KIF13A: variants seen among roughly 807,000 people sequenced by gnomAD.
KIF13A encodes kinesin family member 13A.
KIF13A carries 79 observed loss-of-function variants against 212.2 expected under a neutral mutation model. The observed-to-expected ratio is 0.37, with a 90% CI of 0.31 to 0.45. The LOEUF (loss-of-function observed/expected upper bound fraction) is 0.45. KIF13A is among the 20% of genes least tolerant of loss of function. KIF13A has a pLI of 1.00. For missense variants in KIF13A, 1,901 were observed against 2,209.0 expected (o/e 0.86, Z 2.79); for synonymous variants, 789 against 808.6 (o/e 0.98, Z 0.41).
rs1304299447 is a variant in KIF13A, at chr6:17,961,309, C to T, written c.146+25745G>A. Among the ~76,000 whole-genome samples, 1 of 152,042 alleles carries T rather than the reference C, an allele frequency of 6.6e-6. No individual in the cohort carries two copies. Among genetic ancestry groups the T allele is most frequent in the Non-Finnish European group, 1.5e-5 (1 of 68,014 alleles). On this transcript the variant is annotated intron_variant, in intron 2 of 38. Coordinates refer to ENST00000259711, the MANE Select transcript of KIF13A (RefSeq NM_022113.6). This position sits in a 1 kb window ranked among gnomAD's most constrained non-coding sequence, Gnocchi z 4.1. ...GGGGACCTGGAAAGGAGCTGGGATTCCAAAGGTGGAAGGTAGCAACTGATG... is the reference window on the plus strand; with the variant it reads ...GGGGACCTGGAAAGGAGCTGGGATTTCAAAGGTGGAAGGTAGCAACTGATG...
chr6:17,890,136 C>T (rs1356805917), intron 3 of KIF13A, among the ~76,000 whole-genome samples: 3 of 146,366 alleles, frequency 2.0e-5, no homozygotes, highest in African/African-American at 7.6e-5. Flanking sequence ...TGCAGTGAGC[C>T]GAGATCGCAC....
At chr6:17,774,929 G>A in intron 35 of KIF13A, 86 bp downstream of exon 35, 1 of 973,152 alleles carries the variant, frequency 1.0e-6, no homozygotes, top group Non-Finnish European at 1.6e-6. Flanking sequence ...ACCAGGTGAG[G>A]CCCAGAGATT....
intron 4 of KIF13A, among the ~76,000 whole-genome samples, chr6:17,868,434 CTT>C (rs1405422071): frequency 6.6e-6 from 1 of 152,106 alleles, no homozygotes; most frequent in African/African-American, 2.4e-5. Context: ...AATATACTAA[CTT>C]ATAATCTTAA....
chr6:17,759,360 CTTTTTT>C (rs951254129), downstream of KIF13A: 1 of 152,052 alleles, frequency 6.6e-6, no homozygotes, highest in Non-Finnish European at 1.5e-5. Flanking sequence ...TACAGTTTTT[CTTTTTT>C]TAACAGACAA....
At chr6:17,845,448 T>G (rs1766929042) in intron 9 of KIF13A, among the ~76,000 whole-genome samples, 1 of 152,230 alleles carries the variant, frequency 6.6e-6, no homozygotes, top group South Asian at 2.1e-4. Context: ...AACCCACTTT[T>G]GGAGATGTTA....
chr6:17,894,156 G>A, intron 3 of KIF13A, among the ~76,000 whole-genome samples: 1 of 99,852 alleles, frequency 1.0e-5, no homozygotes, highest in South Asian at 3.1e-4. Context: ...TTTTTTTTTT[G>A]AGACAGGGTT....
intron 2 of KIF13A, among the ~76,000 whole-genome samples, chr6:17,949,561 A>T (rs1313362015): frequency 1.3e-5 from 2 of 152,148 alleles, no homozygotes; most frequent in Non-Finnish European, 2.9e-5. Flanking sequence ...ACAGGAAAGG[A>T]AAAGAAAAAC....
chr6:17,799,938 C>G lies in KIF13A; in HGVS notation c.2616+14G>C. The G allele has an allele frequency of 6.2e-7, 1 of 1,612,444 alleles. No homozygotes were observed. Among genetic ancestry groups the G allele is most frequent in the Non-Finnish European group, 8.5e-7 (1 of 1,179,126 alleles). On this transcript the variant is annotated intron_variant, in intron 21 of 38. Transcript: ENST00000259711. The surrounding 1 kb of genome is among the most constrained non-coding windows in gnomAD (Gnocchi z 4.4). ...AAGGTCATTTATATGAGCCTCCCATCACTGTCCTCTCACCCGACATGTCAG... is the reference window on the plus strand; with the variant it reads ...AAGGTCATTTATATGAGCCTCCCATGACTGTCCTCTCACCCGACATGTCAG...
At position 17,771,376 on chromosome 6, in the gene KIF13A, A is replaced by G. The variant is rs1759479852; in HGVS notation, c.4477-158T>C. 1.7e-6 allele frequency: 1 copy of G among 581,614 alleles called. No homozygotes were observed. The highest frequency in any genetic ancestry group is 3.1e-6 in the Non-Finnish European group (1 of 326,304). 36.0% of individuals were successfully genotyped at this position (581,614 alleles called of 1,614,324 possible). On this transcript the variant is annotated intron_variant, in intron 37 of 38. Transcript: ENST00000259711. The surrounding 1 kb of genome is among the most constrained non-coding windows in gnomAD (Gnocchi z 5.4). ...GCAGGCCAGAGTTAAACTACTGGAG[A>G]GATATGACAGGAATAAACAGATTCT...
chr6:17,856,440 G>A lies in KIF13A; in HGVS notation c.221-318C>T, dbSNP rs1008210762. ...TTTTCTTATGACTAATATCTACAATGTCATTAAACATGAATTGCCTTATCT... is the reference window on the plus strand; with the variant it reads ...TTTTCTTATGACTAATATCTACAATATCATTAAACATGAATTGCCTTATCT... On this transcript the variant is annotated intron_variant, in intron 4 of 38. Coordinates refer to ENST00000259711, the MANE Select transcript of KIF13A (RefSeq NM_022113.6). This position sits in a 1 kb window ranked among gnomAD's most constrained non-coding sequence, Gnocchi z 4.5. 3.3e-5 allele frequency among the ~76,000 whole-genome samples: 5 copies of A among 152,172 alleles called. No homozygotes were observed. Among genetic ancestry groups the A allele is most frequent in the Non-Finnish European group, 7.3e-5 (5 of 68,040 alleles).
In KIF13A at chr6:17,980,867, GGGTGA is replaced by G. The variant is rs1781006508; in HGVS notation, c.146+6182_146+6186del. 2.6e-5 allele frequency among the ~76,000 whole-genome samples: 4 copies of G among 152,176 alleles called. No homozygotes were observed. The South Asian group carries it at 8.3e-4, about 32-fold the overall frequency. ...TAGGGAGCAGGTGGGAAGAATTTGG[GGGTGA>G]GGTGAGAATAAAGCAGAGAAAGAGA... On this transcript the variant is annotated intron_variant, in intron 2 of 38. Coordinates refer to ENST00000259711, the MANE Select transcript of KIF13A (RefSeq NM_022113.6).
Position 17,809,036 on chromosome 6 carries a change from T to G in KIF13A, c.2001-106A>C. The G allele has an allele frequency of 9.3e-7, 1 of 1,072,742 alleles. No individual in the cohort carries two copies. The highest frequency in any genetic ancestry group is 1.3e-6 in the Non-Finnish European group (1 of 771,294). 66.5% of individuals were successfully genotyped at this position (1,072,742 alleles called of 1,614,324 possible). A position where few individuals can be genotyped will look rare whatever the true frequency, so the allele number is the denominator to read the frequency against. On this transcript the variant is annotated intron_variant, in intron 17 of 38. Coordinates refer to ENST00000259711, the MANE Select transcript of KIF13A (RefSeq NM_022113.6). This position sits in a 1 kb window ranked among gnomAD's most constrained non-coding sequence, Gnocchi z 4.7. ...ATGGGAGAAAACTCCTCTCGGGCAG[T>G]ATTTTTCAAACTATTTTACCAGACT...
chr6:17,925,735 C>G (rs1299883448), intron 2 of KIF13A, among the ~76,000 whole-genome samples: 1 of 152,172 alleles, frequency 6.6e-6, no homozygotes, highest in Non-Finnish European at 1.5e-5. Flanking sequence ...AAGAACATGT[C>G]TAATTAGCAG....
chr6:17,876,534 T>C (rs1770569454), intron 3 of KIF13A, among the ~76,000 whole-genome samples: 1 of 152,216 alleles, frequency 6.6e-6, no homozygotes, highest in South Asian at 2.1e-4. Flanking sequence ...CTCTGAAACC[T>C]TACAACACTG....
At chr6:17,907,058 G>A (rs1309080552) in intron 2 of KIF13A, among the ~76,000 whole-genome samples, 1 of 152,168 alleles carries the variant, frequency 6.6e-6, no homozygotes, top group African/African-American at 2.4e-5. Flanking sequence ...AATTGAAATG[G>A]ATGATCATTA....
intron 17 of KIF13A, among the ~76,000 whole-genome samples, chr6:17,815,970 C>T (rs995519012): frequency 2.1e-4 from 30 of 145,124 alleles, no homozygotes; most frequent in Non-Finnish European, 2.3e-4. Context: ...TGCAATGGCG[C>T]GATCTTGGCT....
rs1350583212 is a variant in KIF13A at position 17,871,382 on chromosome 6, A to C, written c.220+1995T>G. 2.0e-5 allele frequency among the ~76,000 whole-genome samples: 3 copies of C among 151,992 alleles called. No homozygotes were observed. The highest frequency in any genetic ancestry group is 2.1e-4 in the South Asian group (1 of 4,824). ...AAAATCTGGTGCCTTTCCAGATTTT[A>C]TCTCTCCTTGGATTTTATGTAACAC... is the stretch of plus-strand genomic sequence containing the variant. On this transcript the variant is annotated intron_variant, in intron 4 of 38. Coordinates refer to ENST00000259711, the MANE Select transcript of KIF13A (RefSeq NM_022113.6). The surrounding 1 kb of genome is among the most constrained non-coding windows in gnomAD (Gnocchi z 4.4).
At chr6:17,806,802 C>G (rs1001491315) in intron 18 of KIF13A, among the ~76,000 whole-genome samples, 1 of 152,156 alleles carries the variant, frequency 6.6e-6, no homozygotes, top group South Asian at 2.1e-4. Context: ...TCACTTGAAC[C>G]CGGGAGGCGG....
intron 2 of KIF13A, among the ~76,000 whole-genome samples, chr6:17,976,490 C>T (rs1780503583): frequency 1.3e-5 from 2 of 152,194 alleles, no homozygotes; most frequent in Admixed American, 6.5e-5. Flanking sequence ...AATGCGGGGC[C>T]CGCCAAGCCC....
Sources: gnomAD v4.1 joint callset for allele counts (sites outside exome capture counted in the v4.1 genomes callset) on GRCh38, gnomAD v4.1.1 for gene constraint, Gnocchi (gnomAD v3.1) non-coding constraint, MANE v1.5 for transcripts, NCBI Gene and HGNC (gene_info 2026-07-23, HGNC 2026-07-21) for gene names.